MYO1H: variants seen among roughly 807,000 people sequenced by gnomAD.
The protein encoded by MYO1H is myosin IH, also known as unconventional myosin-Ih.
A neutral mutation model predicts 149.3 loss-of-function variants in MYO1H; 118 were observed. That is an observed-to-expected ratio of 0.79 (90% confidence interval 0.68 to 0.92). MYO1H has a LOEUF of 0.92. Ranked by LOEUF, MYO1H falls within the 40% of genes least tolerant of loss-of-function variation. MYO1H has a pLI of 0.00. For missense variants in MYO1H, 1,212 were observed against 1,280.7 expected (o/e 0.95, Z 0.82); for synonymous variants, 447 against 465.2 (o/e 0.96, Z 0.50).
At chr12:109,415,079 C>G (rs1185071160) in intron 14 of MYO1H, among the ~76,000 whole-genome samples, 1 of 152,162 alleles carries the variant, frequency 6.6e-6, no homozygotes, top group South Asian at 2.1e-4. Flanking sequence ...TCCTGGGAGC[C>G]TCCCTGTGTG....
intron 31 of MYO1H, chr12:109,446,030 A>G: frequency 1.0e-6 from 1 of 985,386 alleles, no homozygotes; most frequent in Non-Finnish European, 1.2e-6. Flanking sequence ...TTCAGGATGC[A>G]AGAAAATATA....
At chr12:109,338,140 CTCACTGCA>C in the MYO1H span, among the ~76,000 whole-genome samples, 1 of 152,236 alleles carries the variant, frequency 6.6e-6, no homozygotes, top group South Asian at 2.1e-4. Context: ...GCCATTATGG[CTCACTGCA>C]GCCTTGAACT....
intron 31 of MYO1H, chr12:109,445,829 A>AT (rs1872457686): frequency 2.0e-6 from 2 of 985,478 alleles, no homozygotes; most frequent in Non-Finnish European, 1.2e-6. Flanking sequence ...AAGCTTAACC[A>AT]TCCTTGTCAG....
intron 5 of MYO1H, among the ~76,000 whole-genome samples, 153 bp from the exon 6 acceptor site, chr12:109,400,940 T>C (rs1235491342): frequency 6.6e-6 from 1 of 152,000 alleles, no homozygotes; most frequent in Non-Finnish European, 1.5e-5. Context: ...ACCCAGGAAA[T>C]ACTAATGACA....
chr12:109,383,784 A>G (rs575859798), intron 1 of MYO1H, among the ~76,000 whole-genome samples: 1 of 152,282 alleles, frequency 6.6e-6, no homozygotes, highest in South Asian at 2.1e-4. Context: ...TGCCTCTACC[A>G]TGGCATCTCA....
At chr12:109,410,133 TTTAA>T (rs1870601890) in intron 12 of MYO1H, 65 bp downstream of exon 12, 1 of 812,390 alleles carries the variant, frequency 1.2e-6, no homozygotes, top group South Asian at 3.0e-5. Flanking sequence ...CTTTTTTTAA[TTTAA>T]TTAATTTTTT....
chr12:109,440,688 C>A, intron 24 of MYO1H, 56 bp from the exon 25 acceptor site: 3 of 1,291,898 alleles, frequency 2.3e-6, no homozygotes, highest in Non-Finnish European at 3.3e-6. Flanking sequence ...TTGATCGCCA[C>A]AGCCCCAGAC....
Position 109,410,168 on chromosome 12 carries a change from A to G in MYO1H, c.1329+100A>G, listed in dbSNP as rs1870604604. 5.2e-6 allele frequency: 3 copies of G among 581,458 alleles called. No homozygotes were observed. The East Asian group carries it at 1.1e-4, about 21-fold the overall frequency. 36.0% of individuals were successfully genotyped at this position (581,458 alleles called of 1,614,324 possible). On this transcript the variant is annotated intron_variant, in intron 12 of 31. Transcript: ENST00000310903. ...TTTTTTTTTATTTTTTTGAGACAAG[A>G]TCTCACTCTGTCGCCCAGGCTGGAG... is the stretch of plus-strand genomic sequence containing the variant.
At chr12:109,431,465 G>A (rs1341027409) in intron 19 of MYO1H, among the ~76,000 whole-genome samples, 2 of 152,172 alleles carry the variant, frequency 1.3e-5, no homozygotes, top group East Asian at 1.9e-4. Context: ...TTGAGTCTTG[G>A]ACTGGGACTA....
intron 3 of MYO1H, among the ~76,000 whole-genome samples, chr12:109,395,861 T>C (rs1869870563): frequency 6.6e-6 from 1 of 151,240 alleles, no homozygotes; most frequent in South Asian, 2.1e-4. Context: ...TTTTTGTTTT[T>C]CGGGTTTGGG....
chr12:109,348,828 A>C (rs530930222), intron 1 of MYO1H, among the ~76,000 whole-genome samples: 1 of 152,370 alleles, frequency 6.6e-6, no homozygotes. Context: ...AAAAGCTTAC[A>C]GAAACATTTA....
intron 14 of MYO1H, 36 bp downstream of exon 14, chr12:109,412,021 A>AAGATGATTGT (rs1321715728): frequency 7.1e-7 from 1 of 1,404,372 alleles, no homozygotes. Flanking sequence ...TGCATGGGGG[A>AAGATGATTGT]AGATGATTGT....
chr12:109,396,814 GTTTTTTT>G (rs60551691), intron 4 of MYO1H, among the ~76,000 whole-genome samples: 6 of 51,088 alleles, frequency 1.2e-4, no homozygotes, highest in Admixed American at 2.9e-4. Flanking sequence ...TTTTGGTTTC[GTTTTTTT>G]TTTTTTTTTT....
In MYO1H at chr12:109,396,486, C is replaced by T. The variant is rs770705447; in HGVS notation, c.393C>T (p.Ser131=). 4 of 1,613,990 alleles carry T rather than the reference C, an allele frequency of 2.5e-6. No homozygotes were observed. In the Admixed American group the frequency reaches 5.0e-5, roughly 20 times the overall value. The change falls in exon 4 of 32, where the codon TCC becomes TCT. Residue 131 remains serine, a synonymous_variant. Coordinates refer to ENST00000310903, the Ensembl canonical transcript of MYO1H. ...GTGGGGCAGGGAAAACAGAGGCCTC[C>T]AAGAAAATTCTCGAGTATTTTGCAG...
At chr12:109,344,123 T>C (rs1457818480), upstream of MYO1H, among the ~76,000 whole-genome samples, 3 of 152,164 alleles carry the variant, frequency 2.0e-5, no homozygotes, top group Non-Finnish European at 4.4e-5. Flanking sequence ...CATCATTATA[T>C]TGGTGTTAGG....
chr12:109,347,997 G>A (rs536259032), intron 1 of MYO1H, 25 bp downstream of exon 1: 3 of 399,066 alleles, frequency 7.5e-6, no homozygotes, highest in African/African-American at 6.2e-5. Flanking sequence ...ACACTAGAAG[G>A]TGGTTACACC....
chr12:109,416,736 C>A (rs1484811642), intron 15 of MYO1H, among the ~76,000 whole-genome samples: 1 of 152,078 alleles, frequency 6.6e-6, no homozygotes, highest in Non-Finnish European at 1.5e-5. Context: ...CGCCTGTAAT[C>A]CAGCACTTTG....
the MYO1H span, among the ~76,000 whole-genome samples, chr12:109,323,667 T>C: frequency 6.6e-6 from 1 of 152,192 alleles, no homozygotes; most frequent in Non-Finnish European, 1.5e-5. Context: ...TTCTAGAAGG[T>C]CTGCTGTTTT....
At chr12:109,438,580 G>A (rs1200758272) in exon 23 of MYO1H, 1 of 1,613,384 alleles carries the variant, frequency 6.2e-7, no homozygotes, top group Admixed American at 1.7e-5. Flanking sequence ...GGCTCGGAAG[G>A]CAATCCAAAG....
Sources: allele counts gnomAD v4.1 joint callset (sites outside exome capture counted in the v4.1 genomes callset), GRCh38; gene constraint gnomAD v4.1.1; transcripts MANE v1.5; gene names NCBI Gene and HGNC (gene_info 2026-07-23, HGNC 2026-07-21).